The following NLRC4 variants were observed in gnomAD, a reference collection of about 807,000 sequenced individuals.
NLRC4 encodes the protein NLR family CARD domain containing 4, also known as NLR family CARD domain-containing protein 4.
Under a neutral mutation model 79.9 loss-of-function variants are expected in NLRC4, and 63 were observed. That is an observed-to-expected ratio of 0.79 (90% CI 0.64 to 0.97). The LOEUF is 0.97. Among genes scored for constraint, NLRC4 ranks in the 50% least tolerant of loss-of-function variants. NLRC4 has a pLI of 0.00. For synonymous variants in NLRC4, 461 were observed against 456.5 expected (o/e 1.01, Z -0.12); for missense variants, 1,074 against 1,215.2 (o/e 0.88, Z 1.73).
intron 2 of NLRC4, among the ~76,000 whole-genome samples, chr2:32,253,573 C>T (rs2148944468): frequency 6.6e-6 from 1 of 152,268 alleles, no homozygotes. Context: ...AGTTGTAAGA[C>T]CGTTGGCTTT....
Position 32,250,231 on chromosome 2 carries a change from T to C in NLRC4, c.1633A>G (p.Ile545Val), listed in dbSNP as rs1435608592. ...GAATTGATGTTTATGGCTTTCAGAA[T>C]TTCTTGCTCAGTGGTGTTTTTCACA... ...QSVKNTTEQE[I>V]LKAININSFV... The change falls in exon 4 of 9, where the codon ATT becomes GTT. Residue 545 changes from isoleucine to valine, a missense_variant. By Grantham distance (29) the Ile-to-Val change is conservative (BLOSUM62 3). Coordinates refer to ENST00000402280, the MANE Select transcript of NLRC4 (RefSeq NM_001199138.2). The surrounding 1 kb of genome is among the most constrained non-coding windows in gnomAD (Gnocchi z 4.9). 1 of 1,614,202 alleles carries C rather than the reference T, an allele frequency of 6.2e-7. No homozygotes were observed. The highest frequency in any genetic ancestry group is 1.3e-5 in the African/African-American group (1 of 75,054).
chr2:32,259,212 C>T (rs1490608513), intron 1 of NLRC4, among the ~76,000 whole-genome samples: 3 of 149,526 alleles, frequency 2.0e-5, no homozygotes, highest in Non-Finnish European at 4.4e-5. Context: ...CTTCCCACCT[C>T]AGCCTCCTGA....
At chr2:32,265,670 C>G (rs1687448653), upstream of NLRC4, 1 of 152,452 alleles carries the variant, frequency 6.6e-6, no homozygotes, top group Non-Finnish European at 1.5e-5. Context: ...ACAGGGCAAA[C>G]AGATCACCAG....
intron 1 of NLRC4, among the ~76,000 whole-genome samples, chr2:32,259,083 C>A (rs554688379): frequency 6.6e-6 from 1 of 151,834 alleles, no homozygotes; most frequent in Admixed American, 6.6e-5. Context: ...CATGGGAACT[C>A]ATGTTATCCT....
chr2:32,238,915 G>A (rs573862735), intron 5 of NLRC4, among the ~76,000 whole-genome samples: 16 of 152,298 alleles, frequency 1.1e-4, no homozygotes, highest in African/African-American at 3.6e-4. Context: ...GTTTAGGATT[G>A]GTTAGGCCTC....
At chr2:32,260,213 CAAAAAAAAAAA>C (rs1197388989) in intron 1 of NLRC4, among the ~76,000 whole-genome samples, 34 of 75,078 alleles carry the variant, frequency 4.5e-4, no homozygotes, top group African/African-American at 1.8e-3. Context: ...TGGGCAACGA[CAAAAAAAAAAA>C]AAAAAAAAAC....
chr2:32,248,189 C>G (rs1686983710), intron 4 of NLRC4, among the ~76,000 whole-genome samples: 1 of 152,154 alleles, frequency 6.6e-6, no homozygotes, highest in African/African-American at 2.4e-5. Context: ...AACATTTTCA[C>G]AGTATTCCTG....
chr2:32,250,185 T>C lies in NLRC4; in HGVS notation c.1679A>G (p.His560Arg), dbSNP rs1430171696. The part of the protein sequence containing the change: ...NINSFVECGI[H>R]LYQESTSKSA... Reference sequence around the variant, plus strand: ...TTTGGATGTACTCTCTTGATATAAATGGATGCCACACTCTACAAAGGAATT... The same window carrying C: ...TTTGGATGTACTCTCTTGATATAAACGGATGCCACACTCTACAAAGGAATT... Residue 560 changes from histidine to arginine, a missense_variant, in exon 4 of 9, where the codon CAT (histidine) becomes CGT (arginine). Transcript: ENST00000402280. This position sits in a 1 kb window ranked among gnomAD's most constrained non-coding sequence, Gnocchi z 4.9. 2 of 1,614,246 alleles carry C rather than the reference T, an allele frequency of 1.2e-6. No homozygotes were observed. The highest frequency in any genetic ancestry group is 8.5e-7 in the Non-Finnish European group (1 of 1,180,042).
intron 8 of NLRC4, among the ~76,000 whole-genome samples, chr2:32,234,579 T>G (rs565633242): frequency 3.3e-5 from 5 of 152,328 alleles, no homozygotes; most frequent in Admixed American, 6.5e-5. Flanking sequence ...TACGCTGGAT[T>G]GGAATAACTT....
chr2:32,260,777 T>C (rs1277065248), intron 1 of NLRC4, among the ~76,000 whole-genome samples: 1 of 152,126 alleles, frequency 6.6e-6, no homozygotes, highest in African/African-American at 2.4e-5. Flanking sequence ...CCCATCTGCA[T>C]AATAAAACAT....
chr2:32,265,143 T>A (rs773918381), upstream of NLRC4, among the ~76,000 whole-genome samples: 1 of 152,132 alleles, frequency 6.6e-6, no homozygotes, highest in Non-Finnish European at 1.5e-5. Context: ...TGAAACAAAG[T>A]CTTCTGAACA....
At chr2:32,245,395 G>A (rs545355139) in intron 4 of NLRC4, among the ~76,000 whole-genome samples, 71 of 151,352 alleles carry the variant, frequency 4.7e-4, no homozygotes, top group Middle Eastern at 3.4e-3. Context: ...CAGACATCAC[G>A]TGTTCTTACT....
intron 1 of NLRC4, among the ~76,000 whole-genome samples, chr2:32,257,612 GAAA>G (rs144558409): frequency 2.1e-3 from 252 of 122,268 alleles, no homozygotes; most frequent in African/African-American, 4.7e-3. Flanking sequence ...GCCTCAAAAA[GAAA>G]AAAAAAAAAA....
Position 32,248,590 on chromosome 2 carries a change from CA to C in NLRC4, c.2257+1016del, listed in dbSNP as rs1311494845. On this transcript the variant is annotated intron_variant, in intron 4 of 8. Coordinates refer to ENST00000402280, the MANE Select transcript of NLRC4 (RefSeq NM_001199138.2). Reference sequence around the variant, plus strand: ...ATCCCAACAGTTTGGAAGGTGGAGGCAGTAGAACTGCTTGATCCCAGGAGTT... The same window carrying C: ...ATCCCAACAGTTTGGAAGGTGGAGGCGTAGAACTGCTTGATCCCAGGAGTT... Among the ~76,000 whole-genome samples, 3 of 152,084 alleles carry C rather than the reference CA, an allele frequency of 2.0e-5. No homozygotes were observed. In the East Asian group the frequency reaches 5.8e-4, roughly 29 times the overall value.
chr2:32,248,130 CT>C (rs746559192), intron 4 of NLRC4, among the ~76,000 whole-genome samples: 12 of 152,078 alleles, frequency 7.9e-5, no homozygotes, highest in Admixed American at 5.2e-4. Context: ...CTTGTACCCC[CT>C]ATATCTATAA....
In NLRC4 at chr2:32,249,795, A is replaced by T; in HGVS notation, c.2069T>A (p.Leu690His). 1.9e-6 allele frequency: 3 copies of T among 1,614,224 alleles called. No homozygotes were observed. The highest frequency in any genetic ancestry group is 2.5e-6 in the Non-Finnish European group (3 of 1,180,032). ...AGCACATCTCTTTATTTGCAGCCTG[A>T]GGCTTGTGGCAGAGCTGAATATTTT... ...LGKIFSSATS[L>H]RLQIKRCAGV... Residue 690 changes from leucine (L) to histidine (H), a missense_variant, in exon 4 of 9, where the codon CTC becomes CAC. Coordinates refer to ENST00000402280, the MANE Select transcript of NLRC4 (RefSeq NM_001199138.2).
intron 5 of NLRC4, 134 bp from the exon 6 acceptor site, chr2:32,238,436 T>TA: frequency 1.4e-6 from 1 of 715,646 alleles, no homozygotes; most frequent in Non-Finnish European, 2.3e-6. Flanking sequence ...GACTTTAAGT[T>TA]ACAAAGAATC....
intron 4 of NLRC4, among the ~76,000 whole-genome samples, chr2:32,248,214 C>G (rs546321638): frequency 6.6e-6 from 1 of 152,110 alleles, no homozygotes; most frequent in Admixed American, 6.5e-5. Context: ...ATATTTCCAG[C>G]CAGTCTTGAT....
chr2:32,250,317 C>T lies in NLRC4; in HGVS notation c.1547G>A (p.Gly516Asp). 3.1e-6 allele frequency: 5 copies of T among 1,614,204 alleles called. No homozygotes were observed. Among genetic ancestry groups the T allele is most frequent in the Non-Finnish European group, 4.2e-6 (5 of 1,180,030 alleles). ...MKHLAAVYQH[G>D]CLLGLSIAKR... Reference sequence around the variant, plus strand: ...GGCGATGGAAAGTCCGAGAAGGCAGCCGTGTTGATACACTGCTGCGAGGTG... The same window carrying T: ...GGCGATGGAAAGTCCGAGAAGGCAGTCGTGTTGATACACTGCTGCGAGGTG... Residue 516 changes from glycine (G) to aspartate (D), a missense_variant, in exon 4 of 9, where the codon GGC becomes GAC. By Grantham distance (94) the Gly-to-Asp change is moderately conservative. Transcript: ENST00000402280. This position sits in a 1 kb window ranked among gnomAD's most constrained non-coding sequence, Gnocchi z 4.9.
Sources: gnomAD v4.1 joint callset for allele counts (sites outside exome capture counted in the v4.1 genomes callset) on GRCh38, gnomAD v4.1.1 for gene constraint, Gnocchi (gnomAD v3.1) non-coding constraint, MANE v1.5 for transcripts, NCBI Gene and HGNC (gene_info 2026-07-23, HGNC 2026-07-21) for gene names.